The following MACROD2 variants were observed in gnomAD, a reference collection of about 807,000 sequenced individuals.
The protein encoded by MACROD2 is ADP-ribose glycohydrolase MACROD2.
In MACROD2, 36 loss-of-function variants were observed where a neutral mutation model predicts 70.4. That is an observed-to-expected ratio of 0.51 (90% CI 0.39 to 0.68). The LOEUF is 0.68. Among genes scored for constraint, MACROD2 ranks in the 30% least tolerant of loss-of-function variants. The pLI is 0.00. For missense variants in MACROD2, 496 were observed against 538.4 expected (o/e 0.92, Z 0.78); for synonymous variants, 172 against 178.8 (o/e 0.96, Z 0.30).
At chr20:14,280,519 G>A (rs937848853) in intron 3 of MACROD2, among the ~76,000 whole-genome samples, 9 of 152,108 alleles carry the variant, frequency 5.9e-5, no homozygotes, top group African/African-American at 2.2e-4. Flanking sequence ...AACTAGATTA[G>A]CAGGTATCTG....
At chr20:15,466,560 C>A (rs144918499) in intron 7 of MACROD2, among the ~76,000 whole-genome samples, 2 of 152,296 alleles carry the variant, frequency 1.3e-5, no homozygotes, top group African/African-American at 4.8e-5. Context: ...GGGCATGTCA[C>A]TGGAACCAGT....
chr20:14,251,464 A>T (rs1019567453), intron 3 of MACROD2, among the ~76,000 whole-genome samples: 1 of 152,048 alleles, frequency 6.6e-6, no homozygotes, highest in Non-Finnish European at 1.5e-5. Flanking sequence ...AACACACCAC[A>T]CTTTCAGATT....
intron 5 of MACROD2, among the ~76,000 whole-genome samples, chr20:14,701,926 C>G (rs1474601394): frequency 1.3e-5 from 2 of 152,062 alleles, no homozygotes; most frequent in Non-Finnish European, 2.9e-5. Context: ...AAATCAGGCA[C>G]AGAGAGGTTA....
chr20:15,999,184 G>A (rs551995164), intron 15 of MACROD2, among the ~76,000 whole-genome samples: 2 of 151,974 alleles, frequency 1.3e-5, no homozygotes, highest in Middle Eastern at 6.8e-3. Flanking sequence ...TTGTTATATG[G>A]TGTTTCCATT....
chr20:14,741,571 T>C (rs1160146657), intron 5 of MACROD2, among the ~76,000 whole-genome samples: 1 of 152,104 alleles, frequency 6.6e-6, no homozygotes, highest in Non-Finnish European at 1.5e-5. Flanking sequence ...CTATATACAA[T>C]CCTGACATTA....
At chr20:14,012,761 A>T (rs951455845) in intron 2 of MACROD2, among the ~76,000 whole-genome samples, 13 of 152,218 alleles carry the variant, frequency 8.5e-5, no homozygotes, top group African/African-American at 3.1e-4. Flanking sequence ...TGTGATATGC[A>T]ATTTATTGGA....
intron 5 of MACROD2, among the ~76,000 whole-genome samples, chr20:15,169,699 C>G (rs1406124743): frequency 2.6e-5 from 4 of 152,042 alleles, no homozygotes; most frequent in African/African-American, 4.8e-5. Context: ...GTATATCTGT[C>G]TTTTTATTGC....
At chr20:14,797,814 C>T (rs1276362334) in intron 5 of MACROD2, among the ~76,000 whole-genome samples, 1 of 151,934 alleles carries the variant, frequency 6.6e-6, no homozygotes, top group African/African-American at 2.4e-5. Flanking sequence ...CCTTTGTATT[C>T]CCAGTGCGTA....
Position 14,460,083 on chromosome 20 carries a change from C to T in MACROD2, c.272-33396C>T, listed in dbSNP as rs540895624. Among the ~76,000 whole-genome samples, 16 of 152,186 alleles carry T rather than the reference C, an allele frequency of 1.1e-4. No individual in the cohort carries two copies. In the South Asian group the frequency reaches 3.1e-3, roughly 30 times the overall value. ...TCCTTTTTTATGGCTGCACAGTGTT[C>T]CATGGTGTATATGTGCCACATTTTC... On this transcript the variant is annotated intron_variant, in intron 3 of 17. Coordinates refer to ENST00000684519, the MANE Select transcript of MACROD2 (RefSeq NM_001351661.2).
chr20:15,581,118 G>A (rs1188272155), intron 8 of MACROD2, among the ~76,000 whole-genome samples: 1 of 152,234 alleles, frequency 6.6e-6, no homozygotes, highest in African/African-American at 2.4e-5. Flanking sequence ...TGTGCTTTGG[G>A]AGAGACAGAG....
At chr20:15,983,417 TACC>T (rs2066430550) in intron 13 of MACROD2, among the ~76,000 whole-genome samples, 1 of 152,170 alleles carries the variant, frequency 6.6e-6, no homozygotes, top group South Asian at 2.1e-4. Context: ...TCCACCACAA[TACC>T]ACCACACATC....
At chr20:15,068,168 T>C (rs925484853) in intron 5 of MACROD2, among the ~76,000 whole-genome samples, 5 of 152,206 alleles carry the variant, frequency 3.3e-5, no homozygotes, top group Admixed American at 2.0e-4. Context: ...CTTCTGATAA[T>C]ATCATGCATT....
chr20:15,978,383 G>A (rs2066341754), intron 13 of MACROD2, among the ~76,000 whole-genome samples: 1 of 152,126 alleles, frequency 6.6e-6, no homozygotes, highest in South Asian at 2.1e-4. Flanking sequence ...GAGAAACGTG[G>A]ATAAACCTAA....
At chr20:14,656,429 T>G in intron 4 of MACROD2, among the ~76,000 whole-genome samples, 1 of 152,148 alleles carries the variant, frequency 6.6e-6, no homozygotes, top group East Asian at 1.9e-4. Context: ...TAAGAGAGAA[T>G]CCATGACACC....
At chr20:14,170,989 C>T (rs910756072) in intron 3 of MACROD2, among the ~76,000 whole-genome samples, 5 of 151,880 alleles carry the variant, frequency 3.3e-5, no homozygotes, top group Admixed American at 6.6e-5. Flanking sequence ...TTTTTGTTGG[C>T]AATTTTTTAA....
In MACROD2 at chr20:15,476,578, CCG is replaced by C. The variant is rs200719729; in HGVS notation, c.572-23195_572-23194del. On this transcript the variant is annotated intron_variant, in intron 7 of 17. Transcript: ENST00000684519. Reference sequence around the variant, plus strand: ...AACTATATTGTTGTTTTGCCCCCCCCCGGTAAGTCTGTCAACTGAGCACAGTG... The same window carrying C: ...AACTATATTGTTGTTTTGCCCCCCCCGTAAGTCTGTCAACTGAGCACAGTG... 8.7e-3 allele frequency among the ~76,000 whole-genome samples: 1,303 copies of C among 149,228 alleles called. 9 individuals are homozygous for C. The highest frequency in any genetic ancestry group is 0.015 in the Non-Finnish European group (1,002 of 67,370).
At chr20:14,901,636 A>C (rs2073895765) in intron 5 of MACROD2, among the ~76,000 whole-genome samples, 1 of 152,190 alleles carries the variant, frequency 6.6e-6, no homozygotes, top group Non-Finnish European at 1.5e-5. Context: ...AATATGCTGT[A>C]TATTTAAAAT....
intron 4 of MACROD2, among the ~76,000 whole-genome samples, chr20:14,683,164 C>A (rs1014141339): frequency 6.6e-6 from 1 of 152,170 alleles, no homozygotes; most frequent in African/African-American, 2.4e-5. Flanking sequence ...CAGGCATGAG[C>A]CACTGTGCCC....
At chr20:15,947,878 G>C (rs2065846654) in intron 12 of MACROD2, among the ~76,000 whole-genome samples, 1 of 152,192 alleles carries the variant, frequency 6.6e-6, no homozygotes, top group Admixed American at 6.5e-5. Flanking sequence ...ATTAACTAGA[G>C]AATTGGAGAT....
Sources: gnomAD v4.1 joint callset for allele counts (sites outside exome capture counted in the v4.1 genomes callset) on GRCh38, gnomAD v4.1.1 for gene constraint, MANE v1.5 for transcripts, NCBI Gene and HGNC (gene_info 2026-07-23, HGNC 2026-07-21) for gene names.